Variants in RAG1 observed in about 807,000 individuals in gnomAD.
The protein encoded by RAG1 is V(D)J recombination-activating protein 1.
In RAG1, 35 loss-of-function variants were observed where a neutral mutation model predicts 62.7. That is an observed-to-expected ratio of 0.56 (90% CI 0.43 to 0.74). RAG1 has a LOEUF of 0.74. Ranked by LOEUF, RAG1 falls within the 30% of genes least tolerant of loss-of-function variation. The pLI is 0.00. For missense variants in RAG1, 1,169 were observed against 1,278.6 expected, an observed-to-expected ratio of 0.91 and a Z score of 1.31; for synonymous variants, 461 against 470.3, an observed-to-expected ratio of 0.98 and a Z score of 0.26.
At chr11:36,540,477 T>C (rs1220713215), downstream of RAG1, among the ~76,000 whole-genome samples, 1 of 152,194 alleles carries the variant, frequency 6.6e-6, no homozygotes, top group Non-Finnish European at 1.5e-5. Flanking sequence ...TGATCTCGGC[T>C]CACTGCAAGC....
chr11:36,574,461 T>C lies in RAG1; in HGVS notation c.1157T>C (p.Phe386Ser). ...ISSHKESKEI[F>S]VHINKGGRPR... ...AGTCACAAGGAATCAAAAGAGATTT[T>C]TGTGCACATTAATAAAGGGGGCCGG... Residue 386 changes from phenylalanine to serine, a missense_variant, in exon 2 of 2, where the codon TTT (phenylalanine) becomes TCT (serine). By Grantham distance (155) the Phe-to-Ser change is radical (BLOSUM62 -2). This residue lies in a region of RAG1 where 800 missense variants were observed against 943.3 expected (regional missense o/e 0.85). Coordinates refer to ENST00000299440, the MANE Select transcript of RAG1 (RefSeq NM_000448.3). 1 of 1,614,224 alleles carries C rather than the reference T, an allele frequency of 6.2e-7. No homozygotes were observed. The highest frequency in any genetic ancestry group is 8.5e-7 in the Non-Finnish European group (1 of 1,180,050).
chr11:36,526,791 G>T (rs1233727325), intron 2 of RAG1, among the ~76,000 whole-genome samples: 2 of 152,156 alleles, frequency 1.3e-5, no homozygotes, highest in African/African-American at 4.8e-5. Flanking sequence ...GTGTGAGATG[G>T]TATCTCATTG....
At chr11:36,565,580 A>G (rs773262307), upstream of RAG1, among the ~76,000 whole-genome samples, 1 of 152,206 alleles carries the variant, frequency 6.6e-6, no homozygotes, top group Non-Finnish European at 1.5e-5. Flanking sequence ...TCTTGCAACA[A>G]TTGGCCAATA....
chr11:36,564,838 G>T, upstream of RAG1, among the ~76,000 whole-genome samples: 1 of 152,172 alleles, frequency 6.6e-6, no homozygotes, highest in East Asian at 1.9e-4. Context: ...GACCTGTTAA[G>T]GTTCTGCTCC....
chr11:36,518,328 T>C (rs552697893), intron 1 of RAG1, among the ~76,000 whole-genome samples: 229 of 152,354 alleles, frequency 1.5e-3, no homozygotes, highest in Non-Finnish European at 2.8e-3. Flanking sequence ...TATAGCAGCA[T>C]GATTTATAAT....
chr11:36,540,998 C>T (rs1029361565), downstream of RAG1, among the ~76,000 whole-genome samples: 5 of 152,156 alleles, frequency 3.3e-5, no homozygotes, highest in African/African-American at 9.7e-5. Context: ...TTGGGGCCCT[C>T]TCCCAACAGA....
chr11:36,542,523 AG>A (rs1343963350), intron 3 of RAG1, among the ~76,000 whole-genome samples: 4 of 152,202 alleles, frequency 2.6e-5, no homozygotes, highest in African/African-American at 9.6e-5. Context: ...CAAGAGGAAG[AG>A]GGGCTGCCCC....
chr11:36,539,069 T>C (rs1860375006), downstream of RAG1, among the ~76,000 whole-genome samples: 1 of 152,192 alleles, frequency 6.6e-6, no homozygotes, highest in South Asian at 2.1e-4. Flanking sequence ...CACATTTGTG[T>C]ACCCCTCACA....
chr11:36,560,482 C>A (rs537902672), intron 3 of RAG1, among the ~76,000 whole-genome samples: 1 of 152,212 alleles, frequency 6.6e-6, no homozygotes, highest in East Asian at 1.9e-4. Flanking sequence ...GGAATGATGG[C>A]AGGGCTCCAG....
At chr11:36,545,104 G>A (rs1850373596) in intron 3 of RAG1, among the ~76,000 whole-genome samples, 2 of 140,264 alleles carry the variant, frequency 1.4e-5, no homozygotes, top group Non-Finnish European at 2.9e-5. Flanking sequence ...GCTGTTCTCA[G>A]TATTTTATTA....
At chr11:36,520,406 C>T (rs1478270821) in intron 2 of RAG1, among the ~76,000 whole-genome samples, 1 of 152,036 alleles carries the variant, frequency 6.6e-6, no homozygotes, top group Non-Finnish European at 1.5e-5. Context: ...GTAGCTGGGA[C>T]TACAGGCTCG....
downstream of RAG1, among the ~76,000 whole-genome samples, chr11:36,536,709 G>C (rs114994759): frequency 0.16 from 24,225 of 150,372 alleles, 2,221 homozygotes; most frequent in African/African-American, 0.25. Flanking sequence ...ATTTTATAAA[G>C]TAAATAAAAA....
upstream of RAG1, among the ~76,000 whole-genome samples, chr11:36,563,166 G>C (rs1403831668): frequency 6.6e-6 from 1 of 152,162 alleles, no homozygotes; most frequent in Non-Finnish European, 1.5e-5. Context: ...CTGGGCGAAG[G>C]GATACCCATA....
intron 1 of RAG1, among the ~76,000 whole-genome samples, chr11:36,572,735 C>G (rs1850767868): frequency 6.6e-6 from 1 of 152,162 alleles, no homozygotes; most frequent in Non-Finnish European, 1.5e-5. Flanking sequence ...TTCATCCTTT[C>G]AAGTAGTGAA....
downstream of RAG1, among the ~76,000 whole-genome samples, chr11:36,538,366 A>G (rs142336282): frequency 1.6e-4 from 25 of 152,302 alleles, no homozygotes; most frequent in African/African-American, 5.3e-4. Context: ...GTAAAGCCCA[A>G]ATCTACCACA....
intron 3 of RAG1, among the ~76,000 whole-genome samples, chr11:36,558,188 TAACATATAA>T (rs1850530363): frequency 1.3e-5 from 2 of 152,238 alleles, no homozygotes; most frequent in Admixed American, 6.5e-5. Context: ...TTTTGTGGCA[TAACATATAA>T]TCTATCCTGG....
chr11:36,538,242 G>A (rs1303667928), downstream of RAG1, among the ~76,000 whole-genome samples: 2 of 152,150 alleles, frequency 1.3e-5, no homozygotes, highest in Non-Finnish European at 2.9e-5. Context: ...AGAATTCTAT[G>A]TAGAGCTAGT....
intron 3 of RAG1, among the ~76,000 whole-genome samples, chr11:36,548,758 A>T (rs1850436683): frequency 6.6e-6 from 1 of 152,214 alleles, no homozygotes; most frequent in Admixed American, 6.5e-5. Context: ...TCTTCACAGA[A>T]TTGGAAAAAA....
chr11:36,536,362 A>C (rs139161635), downstream of RAG1, among the ~76,000 whole-genome samples: 62 of 152,294 alleles, frequency 4.1e-4, no homozygotes, highest in African/African-American at 1.5e-3. Context: ...TGAATGAAAG[A>C]AGCCAGAAAA....
Sources: gnomAD v4.1 joint callset for allele counts (sites outside exome capture counted in the v4.1 genomes callset) on GRCh38, gnomAD v4.1.1 for gene constraint, gnomAD v4.1.1 regional missense constraint, MANE v1.5 for transcripts, NCBI Gene and HGNC (gene_info 2026-07-23, HGNC 2026-07-21) for gene names.